Variants in PGCKA1 observed in about 807,000 individuals in gnomAD.
The protein encoded by PGCKA1 is PDCD10 and GCKIII kinases associated 1.
At chr4:37,516,463 A>G in the PGCKA1 span, among the ~76,000 whole-genome samples, 1 of 152,246 alleles carries the variant, frequency 6.6e-6, no homozygotes, top group Admixed American at 6.5e-5. Context: ...ATAATATTTT[A>G]TAAACCATAT....
the PGCKA1 span, among the ~76,000 whole-genome samples, chr4:37,465,168 T>C: frequency 2.6e-5 from 4 of 152,118 alleles, no homozygotes; most frequent in Non-Finnish European, 4.4e-5. Context: ...TTTGAAAAAA[T>C]ATTACTGTAA....
chr4:37,563,698 C>A, the PGCKA1 span, among the ~76,000 whole-genome samples: 1 of 152,194 alleles, frequency 6.6e-6, no homozygotes, highest in African/African-American at 2.4e-5. Flanking sequence ...GCTGTGCTTC[C>A]TTTAAAATCT....
chr4:37,520,845 C>T, the PGCKA1 span, among the ~76,000 whole-genome samples: 1 of 152,104 alleles, frequency 6.6e-6, no homozygotes, highest in African/African-American at 2.4e-5. Flanking sequence ...TCTCAATCTC[C>T]TGACCTCGCA....
chr4:37,556,804 G>A, the PGCKA1 span, among the ~76,000 whole-genome samples: 1 of 152,174 alleles, frequency 6.6e-6, no homozygotes, highest in Non-Finnish European at 1.5e-5. Flanking sequence ...GCATGGACTT[G>A]TGTTTCTCAT....
At chr4:37,576,099 C>T in the PGCKA1 span, among the ~76,000 whole-genome samples, 1 of 151,990 alleles carries the variant, frequency 6.6e-6, no homozygotes, top group African/African-American at 2.4e-5. Flanking sequence ...GTTCCACATA[C>T]ATTTTAGAAT....
At chr4:37,550,648 G>A in the PGCKA1 span, among the ~76,000 whole-genome samples, 2 of 152,166 alleles carry the variant, frequency 1.3e-5, no homozygotes, top group African/African-American at 2.4e-5. Context: ...GTTCAAAGAC[G>A]CTCTCCAGAA....
At chr4:37,479,734 G>A in the PGCKA1 span, among the ~76,000 whole-genome samples, 3 of 152,146 alleles carry the variant, frequency 2.0e-5, no homozygotes, top group African/African-American at 7.2e-5. Flanking sequence ...TTCAAGATGA[G>A]AGCTTGAAGG....
chr4:37,503,393 C>G, the PGCKA1 span, among the ~76,000 whole-genome samples: 1 of 152,286 alleles, frequency 6.6e-6, no homozygotes, highest in Admixed American at 6.5e-5. Flanking sequence ...TCATCCCAGT[C>G]CCTCAGTGAC....
the PGCKA1 span, among the ~76,000 whole-genome samples, chr4:37,545,858 CTTCTT>C: frequency 6.6e-6 from 1 of 152,206 alleles, no homozygotes; most frequent in Non-Finnish European, 1.5e-5. Context: ...CTAATAATTC[CTTCTT>C]TTATCATACA....
chr4:37,572,048 CTTT>C, the PGCKA1 span, among the ~76,000 whole-genome samples: 1 of 111,672 alleles, frequency 9.0e-6, no homozygotes, highest in African/African-American at 3.2e-5. Flanking sequence ...AACTTCACAC[CTTT>C]TTTTTTTTTT....
chr4:37,505,171 A>G, the PGCKA1 span, among the ~76,000 whole-genome samples: 2 of 152,220 alleles, frequency 1.3e-5, no homozygotes, highest in Non-Finnish European at 2.9e-5. Flanking sequence ...GCACCAATTG[A>G]AATGATTACA....
chr4:37,501,385 C>T, the PGCKA1 span, among the ~76,000 whole-genome samples: 3 of 152,054 alleles, frequency 2.0e-5, no homozygotes, highest in Admixed American at 2.0e-4. Flanking sequence ...TTGTGAACTA[C>T]ACATGCGAGG....
At chr4:37,586,211 G>T in the PGCKA1 span, among the ~76,000 whole-genome samples, 1 of 152,020 alleles carries the variant, frequency 6.6e-6, no homozygotes, top group Non-Finnish European at 1.5e-5. Context: ...CAGTAGCAGG[G>T]TTTTCTGTCT....
the PGCKA1 span, among the ~76,000 whole-genome samples, chr4:37,496,307 A>G: frequency 1.4e-3 from 220 of 152,282 alleles, no homozygotes; most frequent in African/African-American, 4.9e-3. Flanking sequence ...TGGCATAAGG[A>G]ATTTTCTGCA....
chr4:37,486,131 C>A, the PGCKA1 span, among the ~76,000 whole-genome samples: 1 of 152,196 alleles, frequency 6.6e-6, no homozygotes, highest in African/African-American at 2.4e-5. Flanking sequence ...CACGTCTATA[C>A]CATTGCTCCT....
At chr4:37,508,045 T>A in the PGCKA1 span, among the ~76,000 whole-genome samples, 1 of 152,208 alleles carries the variant, frequency 6.6e-6, no homozygotes, top group Non-Finnish European at 1.5e-5. Context: ...AGTCTACTGC[T>A]AGATGTATTG....
chr4:37,544,362 C>G, the PGCKA1 span, among the ~76,000 whole-genome samples: 3 of 152,036 alleles, frequency 2.0e-5, no homozygotes, highest in African/African-American at 7.2e-5. Flanking sequence ...GTTGGTGAGT[C>G]CTTTCAATCC....
chr4:37,568,812 G>A, the PGCKA1 span, among the ~76,000 whole-genome samples: 13 of 152,224 alleles, frequency 8.5e-5, no homozygotes, highest in Middle Eastern at 3.4e-3. Flanking sequence ...CCACTTTATC[G>A]TTTAGATTGT....
At chr4:37,478,149 C>A in the PGCKA1 span, among the ~76,000 whole-genome samples, 7 of 111,634 alleles carry the variant, frequency 6.3e-5, no homozygotes, top group East Asian at 3.0e-4. Context: ...AACACCCCCC[C>A]CCACCGCCAC....
Sources: gnomAD v4.1 joint callset for allele counts (sites outside exome capture counted in the v4.1 genomes callset) on GRCh38, gnomAD v4.1.1 for gene constraint, MANE v1.5 for transcripts, NCBI Gene and HGNC (gene_info 2026-07-23, HGNC 2026-07-21) for gene names.